The following ZC3H8 variants were observed in gnomAD, a reference collection of about 807,000 sequenced individuals.
The protein encoded by ZC3H8 is zinc finger CCCH-type containing 8.
In ZC3H8, 27 loss-of-function variants were observed where a neutral mutation model predicts 42.5. The ratio of observed to expected loss-of-function variants is 0.64; its 90% confidence interval spans 0.47 to 0.88. The LOEUF is 0.88. Among genes scored for constraint, ZC3H8 ranks in the 40% least tolerant of loss-of-function variants. The probability of loss-of-function intolerance (pLI) is 0.00; values close to 1 mark genes in which losing one functional copy is unlikely to be tolerated. For missense variants in ZC3H8, 277 were observed against 336.1 expected, an observed-to-expected ratio of 0.82 and a Z score of 1.37; for synonymous variants, 101 against 110.1, an observed-to-expected ratio of 0.92 and a Z score of 0.52.
chr2:112,250,336 G>A (rs1264119193), intron 1 of ZC3H8, 64 bp from the exon 2 acceptor site: 47 of 1,169,182 alleles, frequency 4.0e-5, no homozygotes, highest in East Asian at 2.3e-4. Flanking sequence ...ATACCACAGC[G>A]TTACAATTCA....
At chr2:112,250,080 T>A in intron 2 of ZC3H8, 111 bp downstream of exon 2, 1 of 742,790 alleles carries the variant, frequency 1.3e-6, no homozygotes, top group South Asian at 2.4e-5. Flanking sequence ...GGATCCTTCA[T>A]TAATTTCTCA....
intron 8 of ZC3H8, among the ~76,000 whole-genome samples, chr2:112,225,474 T>C (rs560319877): frequency 4.6e-5 from 7 of 152,042 alleles, no homozygotes; most frequent in African/African-American, 1.4e-4. Context: ...CAAGACCCTA[T>C]GTCTAAAAAA....
intron 8 of ZC3H8, among the ~76,000 whole-genome samples, chr2:112,221,761 G>C (rs1338562677): frequency 6.6e-6 from 1 of 151,982 alleles, no homozygotes; most frequent in Non-Finnish European, 1.5e-5. Context: ...AACACCTCCT[G>C]TATTGTTTTA....
chr2:112,243,936 C>G (rs187357378), intron 2 of ZC3H8, among the ~76,000 whole-genome samples: 170 of 151,260 alleles, frequency 1.1e-3, no homozygotes, highest in African/African-American at 4.0e-3. Context: ...AGAAAGCTAT[C>G]AAAACAAGAA....
chr2:112,238,491 T>A lies in ZC3H8; in HGVS notation c.194A>T (p.His65Leu). 2 of 1,611,878 alleles carry A rather than the reference T, an allele frequency of 1.2e-6. No homozygotes were observed. Among genetic ancestry groups the A allele is most frequent in the Non-Finnish European group, 1.7e-6 (2 of 1,179,710 alleles). ...HSAISPKSSL[H>L]RKSRSKDYDV... Reference sequence around the variant, plus strand: ...ATAGTCCTTACTTCTTGATTTTCTATGCAGCGAACTTTTTGGTGATATTGC... The same window carrying A: ...ATAGTCCTTACTTCTTGATTTTCTAAGCAGCGAACTTTTTGGTGATATTGC... The change falls in exon 3 of 9, where the codon CAT becomes CTT. Residue 65 changes from histidine to leucine, a missense_variant. Coordinates refer to ENST00000409573, the MANE Select transcript of ZC3H8 (RefSeq NM_032494.3).
chr2:112,225,634 T>C (rs1032887843), intron 8 of ZC3H8, among the ~76,000 whole-genome samples: 3 of 150,624 alleles, frequency 2.0e-5, no homozygotes, highest in Non-Finnish European at 4.4e-5. Context: ...GTGGCCAACA[T>C]GGTGAAACTT....
intron 1 of ZC3H8, among the ~76,000 whole-genome samples, chr2:112,254,648 AC>A (rs1686063688): frequency 6.6e-6 from 1 of 152,094 alleles, no homozygotes; most frequent in South Asian, 2.1e-4. Context: ...TCTCGCCTCC[AC>A]CCCGCTCCCC....
chr2:112,254,377 T>C (rs1377874583), intron 1 of ZC3H8, among the ~76,000 whole-genome samples: 2 of 152,258 alleles, frequency 1.3e-5, no homozygotes, highest in Non-Finnish European at 2.9e-5. Flanking sequence ...TGCTTTATTG[T>C]GGTCTTTAGG....
Position 112,214,915 on chromosome 2 carries a change from T to C in ZC3H8, c.*1569A>G, listed in dbSNP as rs1684269403. 3 of 152,180 alleles carry C rather than the reference T, an allele frequency of 2.0e-5. No individual in the cohort carries two copies. Among genetic ancestry groups the C allele is most frequent in the African/African-American group, 7.2e-5 (3 of 41,442 alleles). 9.4% of individuals were successfully genotyped at this position (152,180 alleles called of 1,614,324 possible). A position where few individuals can be genotyped will look rare whatever the true frequency, so the allele number is the denominator to read the frequency against. On this transcript the variant is annotated 3_prime_UTR_variant, in exon 9 of 9. Coordinates refer to ENST00000409573, the MANE Select transcript of ZC3H8 (RefSeq NM_032494.3). ...CAGGTATGCTTGTTTCTTAAAACAA[T>C]TAATTTGAAAAATAAGAGGTTTTTA...
chr2:112,220,763 G>A (rs534973387), intron 8 of ZC3H8, among the ~76,000 whole-genome samples: 1 of 152,344 alleles, frequency 6.6e-6, no homozygotes, highest in East Asian at 1.9e-4. Flanking sequence ...AGAGGTTGTG[G>A]TGAGCTGAGA....
At chr2:112,236,132 C>G (rs930594434) in intron 4 of ZC3H8, among the ~76,000 whole-genome samples, 1 of 151,824 alleles carries the variant, frequency 6.6e-6, no homozygotes, top group Non-Finnish European at 1.5e-5. Flanking sequence ...GGCATGGTGG[C>G]GGGCGCCTGT....
chr2:112,253,288 AT>A (rs1686019567), intron 1 of ZC3H8, among the ~76,000 whole-genome samples: 1 of 152,164 alleles, frequency 6.6e-6, no homozygotes, highest in Non-Finnish European at 1.5e-5. Flanking sequence ...AATAATGTAA[AT>A]TCATTAGTAC....
intron 8 of ZC3H8, among the ~76,000 whole-genome samples, chr2:112,222,667 TA>T (rs965839160): frequency 1.3e-5 from 2 of 151,976 alleles, no homozygotes; most frequent in African/African-American, 4.8e-5. Context: ...TTATATGAGA[TA>T]AAAAAAGGAC....
chr2:112,234,167 T>C lies in ZC3H8; in HGVS notation c.574A>G (p.Lys192Glu). The C allele has an allele frequency of 1.2e-6, 2 of 1,608,964 alleles. No homozygotes were observed. The highest frequency in any genetic ancestry group is 1.7e-6 in the Non-Finnish European group (2 of 1,178,040). Residue 192 changes from lysine (K) to glutamate (E), a missense_variant, in exon 5 of 9, where the codon AAG (lysine) becomes GAG (glutamate). Transcript: ENST00000409573. ...AAATATTTACAAATTTGTTTTCCCT[T>C]GCGTTCCACTGTATGTTGGTTGATG... ...AFINQHTVER[K>E]GKQICKYFLE... is the part of the protein sequence containing the mutation.
intron 8 of ZC3H8, among the ~76,000 whole-genome samples, chr2:112,222,709 C>CTAAAG (rs1684643912): frequency 6.6e-6 from 1 of 152,076 alleles, no homozygotes; most frequent in Non-Finnish European, 1.5e-5. Context: ...TATGAGATAT[C>CTAAAG]TAAAGTAGTC....
chr2:112,250,012 A>C (rs982819435), intron 2 of ZC3H8, 179 bp downstream of exon 2: 2 of 429,446 alleles, frequency 4.7e-6, no homozygotes, highest in Non-Finnish European at 8.2e-6. Flanking sequence ...AAAAAGTATA[A>C]CCAGTTTTCT....
At chr2:112,217,852 G>GA (rs1049715152) in intron 8 of ZC3H8, among the ~76,000 whole-genome samples, 13 of 151,946 alleles carry the variant, frequency 8.6e-5, no homozygotes, top group Non-Finnish European at 1.9e-4. Flanking sequence ...ATCTATATCT[G>GA]AAAAAAAATG....
rs1186076078 is a variant in ZC3H8, at chr2:112,212,524, T to C, written c.*3960A>G. ...AGTTTCCCTTTGGCTGCAGGTAGCA[T>C]AGTAGACAACCCAAATCAAAATGGC... On this transcript the variant is annotated 3_prime_UTR_variant, in exon 9 of 9. Coordinates refer to ENST00000409573, the MANE Select transcript of ZC3H8 (RefSeq NM_032494.3). The C allele has an allele frequency of 2.6e-5, 4 of 152,194 alleles. No homozygotes were observed. The highest frequency in any genetic ancestry group is 9.7e-5 in the African/African-American group (4 of 41,436). 9.4% of individuals were successfully genotyped at this position (152,194 alleles called of 1,614,324 possible). A position where few individuals can be genotyped will look rare whatever the true frequency, so the allele number is the denominator to read the frequency against.
In ZC3H8 at chr2:112,255,034, CGAGA is replaced by C; in HGVS notation, c.-57_-54del. 1 of 1,542,902 alleles carries C rather than the reference CGAGA, an allele frequency of 6.5e-7. No individual in the cohort carries two copies. The highest frequency in any genetic ancestry group is 8.7e-7 in the Non-Finnish European group (1 of 1,142,912). ...GCCGGGAAGCTACAGAGTAACAACC[CGAGA>C]GAGTGACAACCCGGACGCGACGAGA... is the stretch of plus-strand genomic sequence containing the variant. On this transcript the variant is annotated 5_prime_UTR_variant, in exon 1 of 9. Transcript: ENST00000409573.
Sources: allele counts gnomAD v4.1 joint callset (sites outside exome capture counted in the v4.1 genomes callset), GRCh38; gene constraint gnomAD v4.1.1; transcripts MANE v1.5; gene names NCBI Gene and HGNC (gene_info 2026-07-23, HGNC 2026-07-21).